Variants in POLR3B observed in about 807,000 individuals in gnomAD.
POLR3B encodes RNA polymerase III subunit B.
POLR3B carries 96 observed loss-of-function variants against 147.4 expected under a neutral mutation model. The observed-to-expected ratio is 0.65, with a 90% CI of 0.55 to 0.77. The LOEUF (loss-of-function observed/expected upper bound fraction) is 0.77, where lower values mean the gene tolerates loss of function less well. Ranked by LOEUF, POLR3B falls within the 30% of genes least tolerant of loss-of-function variation. The pLI is 0.00. For synonymous variants in POLR3B, 461 were observed against 485.9 expected (o/e 0.95, Z 0.67); for missense variants, 1,036 against 1,413.5 (o/e 0.73, Z 4.28).
At chr12:106,477,555 ATAGTCTCGTGGTGCACCGTTTT>A (rs1419392467) in intron 23 of POLR3B, among the ~76,000 whole-genome samples, 1 of 151,530 alleles carries the variant, frequency 6.6e-6, no homozygotes, top group Admixed American at 6.6e-5. Context: ...GGTGTGGGAT[ATAGTCTCGTGGTGCACCGTTTT>A]TTAAGCCGGT....
chr12:106,415,691 AT>A (rs947222841), intron 12 of POLR3B, among the ~76,000 whole-genome samples: 1 of 152,258 alleles, frequency 6.6e-6, no homozygotes, highest in East Asian at 1.9e-4. Context: ...AATATCTTTA[AT>A]TTTTTTAAAA....
At chr12:106,479,724 C>G (rs1351519887) in intron 23 of POLR3B, among the ~76,000 whole-genome samples, 2 of 151,716 alleles carry the variant, frequency 1.3e-5, no homozygotes, top group Non-Finnish European at 2.9e-5. Flanking sequence ...TTTTAGTTTT[C>G]TTTGAGTTTT....
At chr12:106,428,150 A>G (rs2037461229) in intron 13 of POLR3B, among the ~76,000 whole-genome samples, 2 of 152,214 alleles carry the variant, frequency 1.3e-5, no homozygotes, top group African/African-American at 4.8e-5. Flanking sequence ...GTCCCTATTT[A>G]GGCACATAAA....
intron 19 of POLR3B, 110 bp from the exon 20 acceptor site, chr12:106,454,392 T>G: frequency 1.4e-6 from 1 of 695,492 alleles, no homozygotes; most frequent in Non-Finnish European, 2.6e-6. Flanking sequence ...AACCTGAAGA[T>G]TTTGTTCATT....
Position 106,376,416 on chromosome 12 carries a change from A to G in POLR3B, c.462A>G (p.Glu154=), listed in dbSNP as rs1272599688. ...NCVLTGKTPA[E]FAKLNECPLD... ...TTCTTACAGGAAAAACGCCAGCAGA[A>G]TTTGCCAAACTGAACGAATGTCCCT... The change falls in exon 7 of 28, where the codon GAA becomes GAG. Residue 154 remains glutamate (E), a synonymous_variant. Coordinates refer to ENST00000228347, the MANE Select transcript of POLR3B (RefSeq NM_018082.6). 7 of 1,613,528 alleles carry G rather than the reference A, an allele frequency of 4.3e-6. No individual in the cohort carries two copies. In the African/African-American group the frequency reaches 9.3e-5, roughly 22 times the overall value.
chr12:106,462,704 T>G (rs906661990), intron 22 of POLR3B, among the ~76,000 whole-genome samples: 1 of 152,308 alleles, frequency 6.6e-6, no homozygotes, highest in African/African-American at 2.4e-5. Context: ...AGCCCTATGT[T>G]TCTAGGAAAT....
intron 12 of POLR3B, among the ~76,000 whole-genome samples, chr12:106,414,837 A>G (rs1158033524): frequency 6.6e-6 from 1 of 152,200 alleles, no homozygotes; most frequent in Non-Finnish European, 1.5e-5. Context: ...CCCAGATATA[A>G]TGTTCATCAC....
At chr12:106,492,528 CCTGT>C (rs1226800648) in intron 23 of POLR3B, among the ~76,000 whole-genome samples, 9 of 152,078 alleles carry the variant, frequency 5.9e-5, no homozygotes, top group Non-Finnish European at 1.3e-4. Flanking sequence ...AGAGTGAGAC[CCTGT>C]CTAAGAAAAG....
chr12:106,358,508 C>A (rs977231303), intron 1 of POLR3B, among the ~76,000 whole-genome samples: 16 of 152,282 alleles, frequency 1.1e-4, no homozygotes, highest in Non-Finnish European at 2.2e-4. Context: ...ATCAGCTTCT[C>A]GGAAGTTAAG....
intron 10 of POLR3B, among the ~76,000 whole-genome samples, chr12:106,396,982 C>A (rs930331866): frequency 3.3e-5 from 5 of 151,680 alleles, no homozygotes; most frequent in African/African-American, 1.2e-4. Context: ...ATTAGCTGGG[C>A]ATGGTGGCGT....
chr12:106,494,778 A>G (rs2038454518), intron 23 of POLR3B, among the ~76,000 whole-genome samples: 1 of 152,216 alleles, frequency 6.6e-6, no homozygotes, highest in South Asian at 2.1e-4. Flanking sequence ...TATTTATAAT[A>G]AACAATACCA....
At chr12:106,479,601 T>C (rs2038234947) in intron 23 of POLR3B, among the ~76,000 whole-genome samples, 2 of 152,086 alleles carry the variant, frequency 1.3e-5, no homozygotes, top group Admixed American at 1.3e-4. Context: ...GCCAGGATGG[T>C]CTCGATCTCC....
intron 23 of POLR3B, among the ~76,000 whole-genome samples, chr12:106,486,809 G>T (rs1033311974): frequency 6.6e-6 from 1 of 152,180 alleles, no homozygotes; most frequent in Non-Finnish European, 1.5e-5. Flanking sequence ...GGGTCCTCTG[G>T]TCAGGCTTTA....
In POLR3B at chr12:106,420,517, C is replaced by T. The variant is rs149096055; in HGVS notation, c.1102-6680C>T. On this transcript the variant is annotated intron_variant, in intron 12 of 27. Transcript: ENST00000228347. ...TTAAAAATGAGATGTGTACCCAGTG[C>T]CATTCACTCTCAGTGTCCTGCTTTT... 6.8e-3 allele frequency among the ~76,000 whole-genome samples: 1,030 copies of T among 152,274 alleles called. 5 individuals carry two copies. Among genetic ancestry groups the T allele is most frequent in the Non-Finnish European group, 0.011 (779 of 68,002 alleles).
At chr12:106,410,637 A>G in intron 11 of POLR3B, 189 bp from the exon 12 acceptor site, 1 of 614,318 alleles carries the variant, frequency 1.6e-6, no homozygotes. Context: ...CAGGTTACTG[A>G]GGACAATGAT....
intron 20 of POLR3B, among the ~76,000 whole-genome samples, chr12:106,456,532 A>G (rs1445792408): frequency 1.3e-5 from 2 of 152,034 alleles, no homozygotes; most frequent in Admixed American, 1.3e-4. Context: ...TCTGGAGAAA[A>G]ATTATTGTTT....
Position 106,427,195 on chromosome 12 carries a change from AG to A in POLR3B, c.1102-1del. 3 of 1,158,402 alleles carry A rather than the reference AG, an allele frequency of 2.6e-6. No individual in the cohort carries two copies. 71.8% of individuals were successfully genotyped at this position (1,158,402 alleles called of 1,614,324 possible). On this transcript the variant is annotated splice_acceptor_variant, in intron 12 of 27. Transcript: ENST00000228347. LOFTEE classifies it high-confidence loss of function. ...ACCATATACCTTTTTTTTTTTTTTT[AG>A]CTTTTATCTCTTCTTTTTGAAGACT...
intron 18 of POLR3B, among the ~76,000 whole-genome samples, chr12:106,443,997 A>G (rs2037689175): frequency 6.7e-6 from 1 of 148,988 alleles, no homozygotes; most frequent in African/African-American, 2.5e-5. Flanking sequence ...TCTAATTTGT[A>G]TTTTTAATAG....
At chr12:106,496,647 T>TA in intron 24 of POLR3B, 105 bp from the exon 25 acceptor site, 1 of 950,076 alleles carries the variant, frequency 1.1e-6, no homozygotes. Context: ...ATTAATTTAT[T>TA]ACTGTTATTA....
Sources: gnomAD v4.1 joint callset for allele counts (sites outside exome capture counted in the v4.1 genomes callset) on GRCh38, gnomAD v4.1.1 for gene constraint, MANE v1.5 for transcripts, NCBI Gene and HGNC (gene_info 2026-07-23, HGNC 2026-07-21) for gene names.